The following IKBKB variants were observed in gnomAD, a reference collection of about 807,000 sequenced individuals.
IKBKB encodes the protein inhibitor of nuclear factor kappa-B kinase subunit beta.
In IKBKB, 42 loss-of-function variants were observed where a neutral mutation model predicts 113.6. That is an observed-to-expected ratio of 0.37 (90% CI 0.29 to 0.48). IKBKB has a LOEUF of 0.48. IKBKB is among the 20% of genes least tolerant of loss of function. The probability of loss-of-function intolerance (pLI) is 0.99; values close to 1 mark genes in which losing one functional copy is unlikely to be tolerated. For synonymous variants in IKBKB, 296 were observed against 361.3 expected, an observed-to-expected ratio of 0.82 and a Z score of 2.05; for missense variants, 673 against 939.7, an observed-to-expected ratio of 0.72 and a Z score of 3.71.
At chr8:42,276,911 A>G (rs12541424) in intron 2 of IKBKB, among the ~76,000 whole-genome samples, 135,691 of 135,778 alleles carry the variant, frequency 1, 67,802 homozygotes, top group Non-Finnish European at 1. Flanking sequence ...CTGTCGCCCA[A>G]GCTGGAGTGC....
chr8:42,329,236 C>T (rs1198427419), intron 21 of IKBKB, 22 bp downstream of exon 21: 2 of 1,541,726 alleles, frequency 1.3e-6, no homozygotes, highest in Admixed American at 2.3e-5. Context: ...TGTGAGACTC[C>T]TGCGATTCCA....
At chr8:42,279,058 G>C (rs144471285) in intron 2 of IKBKB, among the ~76,000 whole-genome samples, 1 of 152,180 alleles carries the variant, frequency 6.6e-6, no homozygotes, top group Non-Finnish European at 1.5e-5. Flanking sequence ...TGGTGGAGTA[G>C]AGGTGGAGGG....
intron 5 of IKBKB, among the ~76,000 whole-genome samples, chr8:42,297,551 T>G (rs888560024): frequency 1.3e-5 from 2 of 152,174 alleles, no homozygotes; most frequent in Admixed American, 6.5e-5. Context: ...GATAGGATTT[T>G]TCCACTGAAT....
intron 5 of IKBKB, among the ~76,000 whole-genome samples, chr8:42,304,330 C>T (rs1796553492): frequency 6.6e-6 from 1 of 152,200 alleles, no homozygotes; most frequent in Non-Finnish European, 1.5e-5. Flanking sequence ...AGATGTCTGT[C>T]AAAGTTATTC....
intron 20 of IKBKB, among the ~76,000 whole-genome samples, chr8:42,327,351 T>TTTTG (rs1554527547): frequency 2.0e-5 from 3 of 148,690 alleles, no homozygotes; most frequent in Non-Finnish European, 3.0e-5. Context: ...TTTTTTTTTT[T>TTTTG]GAGACAGACT....
At position 42,299,325 on chromosome 8, in the gene IKBKB, C is replaced by G. The variant is rs148545915; in HGVS notation, c.388+5813C>G. On this transcript the variant is annotated intron_variant, in intron 5 of 21. Coordinates refer to ENST00000520810, the MANE Select transcript of IKBKB (RefSeq NM_001556.3). ...GCAAATCCCTGCAGCGACCTCCTCC[C>G]TGGCCTCCTTAACCCTGTGTGCTAA... is the stretch of plus-strand genomic sequence containing the variant. Among the ~76,000 whole-genome samples the G allele has an allele frequency of 6.6e-4, 101 of 152,314 alleles. 1 individual carries two copies. In the East Asian group the frequency reaches 0.018, roughly 27 times the overall value.
Position 42,308,881 on chromosome 8 carries a change from ACC to A in IKBKB, c.568-16_568-15del. Reference sequence around the variant, plus strand: ...CCCCAGAGAGGAGCAGCTCAGGTGTACCCCCTCCTGTTGCTGCAGGCCCCAGA... The same window carrying A: ...CCCCAGAGAGGAGCAGCTCAGGTGTACCCTCCTGTTGCTGCAGGCCCCAGA... On this transcript the variant is annotated intron_variant, in intron 7 of 21. Transcript: ENST00000520810. 3 of 1,612,776 alleles carry A rather than the reference ACC, an allele frequency of 1.9e-6. No individual in the cohort carries two copies. The highest frequency in any genetic ancestry group is 2.5e-6 in the Non-Finnish European group (3 of 1,179,182).
At position 42,316,899 on chromosome 8, in the gene IKBKB, G is replaced by C. The variant is rs758806135; in HGVS notation, c.1120G>C (p.Gly374Arg). 3 of 1,613,748 alleles carry C rather than the reference G, an allele frequency of 1.9e-6. No individual in the cohort carries two copies. The highest frequency in any genetic ancestry group is 3.3e-5 in the Admixed American group (2 of 59,968). Residue 374 changes from glycine to arginine, a missense_variant, in exon 11 of 22, where the codon GGC becomes CGC. Physicochemically the swap from Gly to Arg is moderately radical, Grantham distance 125 (BLOSUM62 -2). This residue lies in a region of IKBKB where 506 missense variants were observed against 638.7 expected (regional missense o/e 0.79). Coordinates refer to ENST00000520810, the MANE Select transcript of IKBKB (RefSeq NM_001556.3). This position sits in a 1 kb window ranked among gnomAD's most constrained non-coding sequence, Gnocchi z 4.5. The part of the protein sequence containing the change: ...DKPATQCISD[G>R]KLNEGHTLDM... Reference sequence around the variant, plus strand: ...GCCTGCCACTCAGTGTATTTCAGACGGCAAGGTGAGCCCTGGCTTCGTACA... The same window carrying C: ...GCCTGCCACTCAGTGTATTTCAGACCGCAAGGTGAGCCCTGGCTTCGTACA...
chr8:42,319,924 C>T, intron 15 of IKBKB: 1 of 378,232 alleles, frequency 2.6e-6, no homozygotes. Context: ...AAGCCAAGAC[C>T]ATTTCCTGTT....
rs763171765 is a variant in IKBKB at position 42,303,092 on chromosome 8, TGA to T, written c.389-2070_389-2069del. On this transcript the variant is annotated intron_variant, in intron 5 of 21. Coordinates refer to ENST00000520810, the MANE Select transcript of IKBKB (RefSeq NM_001556.3). ...GAGAGAGAGAGAGAGAGAGAGAGAA[TGA>T]GAGAGAGAGAGAGAGAGAGAGAGAA... Among the ~76,000 whole-genome samples, 135 of 69,966 alleles carry T rather than the reference TGA, an allele frequency of 1.9e-3. 1 individual carries two copies. Among genetic ancestry groups the T allele is most frequent in the Middle Eastern group, 8.6e-3 (1 of 116 alleles). The allele number at this position is 69,966 out of a possible 152,430, so 45.9% of individuals were successfully genotyped here. A position where few individuals can be genotyped will look rare whatever the true frequency, so the allele number is the denominator to read the frequency against.
intron 19 of IKBKB, among the ~76,000 whole-genome samples, chr8:42,323,055 T>C (rs536924772): frequency 2.0e-4 from 31 of 152,330 alleles, no homozygotes; most frequent in African/African-American, 6.5e-4. Flanking sequence ...CAGGCGTTCT[T>C]TGGTGTGTGA....
chr8:42,302,721 G>A (rs1157986594), intron 5 of IKBKB, among the ~76,000 whole-genome samples: 1 of 150,650 alleles, frequency 6.6e-6, no homozygotes, highest in Non-Finnish European at 1.5e-5. Context: ...TGAATTTTGT[G>A]TTTAAGCTTG....
intron 3 of IKBKB, 65 bp from the exon 4 acceptor site, chr8:42,290,091 G>A: frequency 9.2e-7 from 1 of 1,089,016 alleles, no homozygotes; most frequent in South Asian, 1.3e-5. Flanking sequence ...GAGACCTGGT[G>A]GGGGTGGTGG....
At chr8:42,273,232 C>T (rs944491251) in intron 2 of IKBKB, among the ~76,000 whole-genome samples, 7 of 152,012 alleles carry the variant, frequency 4.6e-5, no homozygotes, top group Non-Finnish European at 1.0e-4. Flanking sequence ...GCCTGGCCAA[C>T]ATGGTGAAAC....
chr8:42,319,612 G>C lies in IKBKB; in HGVS notation c.1544G>C (p.Arg515Thr). Residue 515 changes from arginine to threonine, a missense_variant, in exon 15 of 22, where the codon AGG becomes ACG. By Grantham distance (71) the Arg-to-Thr change is moderately conservative. This residue lies in a region of IKBKB where 506 missense variants were observed against 638.7 expected (regional missense o/e 0.79). Coordinates refer to ENST00000520810, the MANE Select transcript of IKBKB (RefSeq NM_001556.3). ...TCAGATAAACTGCTGCTGGCCTGGA[G>C]GGAAATGGAGCAGGCTGTGGAGCTC... ...ITSDKLLLAWREMEQAVELCG... is the reference protein window; with the variant it reads ...ITSDKLLLAWTEMEQAVELCG... 3.1e-6 allele frequency: 5 copies of C among 1,595,770 alleles called. No individual in the cohort carries two copies. The South Asian group carries it at 5.7e-5, about 18-fold the overall frequency.
chr8:42,291,213 G>A (rs1048363052), intron 4 of IKBKB, among the ~76,000 whole-genome samples: 6 of 152,048 alleles, frequency 3.9e-5, no homozygotes, highest in East Asian at 1.9e-4. Context: ...CAAGAGTCTC[G>A]CTGTATTGCC....
rs180949386 is a variant in IKBKB at position 42,330,121 on chromosome 8, G to A, written c.2206-793G>A. 8.5e-4 allele frequency: 842 copies of A among 985,354 alleles called. 6 individuals carry two copies. The African/African-American group carries it at 0.014, about 16-fold the overall frequency. 61.0% of individuals were successfully genotyped at this position (985,354 alleles called of 1,614,324 possible). The stretch of plus-strand genomic sequence containing the variant: ...TCAGGCCAAGTCATGTGGTGAGGCT[G>A]GAAATCCATAACTGAGATTAGCTAC... On this transcript the variant is annotated intron_variant, in intron 21 of 21. Transcript: ENST00000520810.
In IKBKB at chr8:42,330,989, A is replaced by C; in HGVS notation, c.*10A>C. The C allele has an allele frequency of 6.2e-7, 1 of 1,612,696 alleles. No individual in the cohort carries two copies. The highest frequency in any genetic ancestry group is 8.5e-7 in the Non-Finnish European group (1 of 1,179,688). ...GGAGCAGGCCTCATGATGTGGGGGGACTCGACCCCCTGACATGGGGCAGCC... is the reference window on the plus strand; with the variant it reads ...GGAGCAGGCCTCATGATGTGGGGGGCCTCGACCCCCTGACATGGGGCAGCC... On this transcript the variant is annotated 3_prime_UTR_variant, in exon 22 of 22. Transcript: ENST00000520810.
At chr8:42,317,408 T>G (rs1240674282) in intron 11 of IKBKB, among the ~76,000 whole-genome samples, 1 of 152,274 alleles carries the variant, frequency 6.6e-6, no homozygotes, top group Admixed American at 6.5e-5. Context: ...TAGGGAAGTA[T>G]ATAGTGAATT....
Sources: allele counts gnomAD v4.1 joint callset (sites outside exome capture counted in the v4.1 genomes callset), GRCh38; gene constraint gnomAD v4.1.1; regional missense constraint gnomAD v4.1.1; non-coding constraint Gnocchi (gnomAD v3.1); transcripts MANE v1.5; gene names NCBI Gene and HGNC (gene_info 2026-07-23, HGNC 2026-07-21).